The following ACYP2 variants were observed in gnomAD, a reference collection of about 807,000 sequenced individuals.
ACYP2 encodes acylphosphatase-2.
ACYP2 carries 12 observed loss-of-function variants against 11.2 expected under a neutral mutation model. That is an observed-to-expected ratio of 1.08 (90% confidence interval 0.69 to 1.74). The LOEUF is 1.74. Among genes scored for constraint, ACYP2 ranks in the 40% most tolerant of loss-of-function variants. The probability of loss-of-function intolerance (pLI) is 0.00; values close to 1 mark genes in which losing one functional copy is unlikely to be tolerated. For missense variants in ACYP2, 134 were observed against 101.9 expected (o/e 1.31, Z -1.35); for synonymous variants, 43 against 32.2 (o/e 1.33, Z -1.13).
At chr2:54,109,580 TA>T (rs918554858) in intron 4 of ACYP2, among the ~76,000 whole-genome samples, 9 of 151,914 alleles carry the variant, frequency 5.9e-5, no homozygotes, top group South Asian at 2.1e-4. Flanking sequence ...AATTTAAAAA[TA>T]AAAAAAATTA....
At chr2:54,261,741 A>G (rs1409306548) in intron 6 of ACYP2, among the ~76,000 whole-genome samples, 2 of 152,348 alleles carry the variant, frequency 1.3e-5, no homozygotes, top group African/African-American at 4.8e-5. Context: ...TAGGCCACCC[A>G]GTTTAGAAAG....
At chr2:53,979,695 G>T (rs185022689) in intron 2 of ACYP2, among the ~76,000 whole-genome samples, 2 of 151,848 alleles carry the variant, frequency 1.3e-5, no homozygotes, top group South Asian at 2.1e-4. Flanking sequence ...ATGTGTGTGT[G>T]TTTTTTTGTT....
intron 5 of ACYP2, among the ~76,000 whole-genome samples, chr2:54,135,961 G>T (rs897715035): frequency 2.0e-5 from 3 of 152,186 alleles, no homozygotes; most frequent in African/African-American, 7.2e-5. Context: ...ACAGTGGTGC[G>T]ATCTCAGCTC....
intron 6 of ACYP2, among the ~76,000 whole-genome samples, chr2:54,302,458 T>TCCTCTG (rs1040219279): frequency 2.0e-5 from 3 of 152,138 alleles, no homozygotes; most frequent in African/African-American, 7.2e-5. Flanking sequence ...TCCTGGTTCT[T>TCCTCTG]CCTCTGCTTC....
intron 6 of ACYP2, among the ~76,000 whole-genome samples, chr2:54,170,388 A>G (rs1347946044): frequency 6.6e-6 from 1 of 152,026 alleles, no homozygotes; most frequent in Non-Finnish European, 1.5e-5. Context: ...CACAGCCTCA[A>G]GCAGTCTGCC....
chr2:54,190,400 C>T (rs1251321585), intron 6 of ACYP2, among the ~76,000 whole-genome samples: 1 of 151,850 alleles, frequency 6.6e-6, no homozygotes, highest in Non-Finnish European at 1.5e-5. Context: ...CTCTCATTGT[C>T]TCCCCTTTCT....
intron 6 of ACYP2, among the ~76,000 whole-genome samples, chr2:54,181,216 G>T (rs1683708273): frequency 6.6e-6 from 1 of 152,144 alleles, no homozygotes; most frequent in Non-Finnish European, 1.5e-5. Flanking sequence ...AAATAAACAA[G>T]ATTATTGTGA....
intron 6 of ACYP2, among the ~76,000 whole-genome samples, chr2:54,208,160 C>CAA (rs1685160116): frequency 6.6e-6 from 1 of 151,886 alleles, no homozygotes; most frequent in Non-Finnish European, 1.5e-5. Context: ...ATGTGTGTCA[C>CAA]CAAGTTTTTG....
intron 2 of ACYP2, among the ~76,000 whole-genome samples, chr2:53,984,724 A>G (rs924237239): frequency 5.9e-4 from 90 of 151,706 alleles, no homozygotes; most frequent in Non-Finnish European, 6.6e-4. Flanking sequence ...GGCTAGTTCA[A>G]TGTCAGAAAA....
At chr2:53,988,910 C>G (rs1416967920) in intron 2 of ACYP2, among the ~76,000 whole-genome samples, 1 of 151,820 alleles carries the variant, frequency 6.6e-6, no homozygotes, top group Non-Finnish European at 1.5e-5. Context: ...CCATGCCCAC[C>G]TATTTTTATT....
chr2:54,170,873 C>G (rs566620070), intron 6 of ACYP2, among the ~76,000 whole-genome samples: 1 of 152,262 alleles, frequency 6.6e-6, no homozygotes, highest in African/African-American at 2.4e-5. Flanking sequence ...ATCTGCAGGT[C>G]TCAGTAATTC....
At chr2:54,265,061 T>C (rs939119889) in intron 6 of ACYP2, among the ~76,000 whole-genome samples, 5 of 152,206 alleles carry the variant, frequency 3.3e-5, no homozygotes, top group African/African-American at 1.2e-4. Context: ...GCTATTTGAT[T>C]GTACTATGCT....
In ACYP2 at chr2:54,062,553, T is replaced by C. The variant is rs1183044487; in HGVS notation, c.277+5193T>C. Reference sequence around the variant, plus strand: ...TGAATAGGGACTGTCATGTACCATATGTTATTCATCATATGGCATCATGCC... The same window carrying C: ...TGAATAGGGACTGTCATGTACCATACGTTATTCATCATATGGCATCATGCC... On this transcript the variant is annotated intron_variant, in intron 4 of 6. Transcript: ENST00000607452. Among the ~76,000 whole-genome samples, 3 of 152,256 alleles carry C rather than the reference T, an allele frequency of 2.0e-5. No individual in the cohort carries two copies. In the East Asian group the frequency reaches 5.8e-4, roughly 29 times the overall value.
chr2:54,301,073 G>T (rs143808645), intron 6 of ACYP2, among the ~76,000 whole-genome samples: 4 of 152,146 alleles, frequency 2.6e-5, no homozygotes, highest in African/African-American at 9.6e-5. Flanking sequence ...TATACCATAT[G>T]CCATACGTAT....
chr2:54,294,381 G>T (rs1367708321), intron 6 of ACYP2, among the ~76,000 whole-genome samples: 8 of 151,960 alleles, frequency 5.3e-5, no homozygotes, highest in African/African-American at 1.7e-4. Flanking sequence ...TTAGTGTTAG[G>T]TTAATAGGGC....
rs566801136 is a variant in ACYP2 at position 54,303,915 on chromosome 2, G to A, written c.405-773G>A. Among the ~76,000 whole-genome samples, 4 of 152,290 alleles carry A rather than the reference G, an allele frequency of 2.6e-5. No homozygotes were observed. In the East Asian group the frequency reaches 7.7e-4, roughly 29 times the overall value. On this transcript the variant is annotated intron_variant, in intron 6 of 6. Transcript: ENST00000607452. ...AGAAAGATTCTGGAAAATCCTCAGT[G>A]TTATCTGAGATGTCAGCAATATACA...
intron 6 of ACYP2, among the ~76,000 whole-genome samples, chr2:54,220,834 G>T (rs1685769856): frequency 6.6e-6 from 1 of 151,908 alleles, no homozygotes; most frequent in Non-Finnish European, 1.5e-5. Context: ...TTTCTTTCAG[G>T]GTCTTATTAA....
chr2:54,051,772 C>A, intron 3 of ACYP2: 1 of 493,898 alleles, frequency 2.0e-6, no homozygotes, highest in South Asian at 1.9e-5. Context: ...GTGCCAGGCT[C>A]AGTGGCTCAC....
At chr2:54,118,636 T>G (rs1200855290) in intron 4 of ACYP2, among the ~76,000 whole-genome samples, 1 of 152,248 alleles carries the variant, frequency 6.6e-6, no homozygotes, top group African/African-American at 2.4e-5. Context: ...ATTCCACTTT[T>G]GTGCACATAG....
Sources: gnomAD v4.1 joint callset for allele counts (sites outside exome capture counted in the v4.1 genomes callset) on GRCh38, gnomAD v4.1.1 for gene constraint, MANE v1.5 for transcripts, NCBI Gene and HGNC (gene_info 2026-07-23, HGNC 2026-07-21) for gene names.